GLI3: variants seen among roughly 807,000 people sequenced by gnomAD.
GLI3 encodes the protein GLI family zinc finger 3.
In GLI3, 20 loss-of-function variants were observed where a neutral mutation model predicts 100.8. That is an observed-to-expected ratio of 0.20 (90% CI 0.14 to 0.29). The LOEUF (loss-of-function observed/expected upper bound fraction) is 0.29, where lower values mean the gene tolerates loss of function less well. GLI3 is among the 10% of genes least tolerant of loss of function. The pLI is 1.00. For synonymous variants in GLI3, 938 were observed against 860.5 expected, an observed-to-expected ratio of 1.09 and a Z score of -1.58; for missense variants, 2,040 against 2,128.5, an observed-to-expected ratio of 0.96 and a Z score of 0.82.
At position 42,026,203 on chromosome 7, in the gene GLI3, G is replaced by A; in HGVS notation, c.1238C>T (p.Ser413Leu). 1 of 1,610,744 alleles carries A rather than the reference G, an allele frequency of 6.2e-7. No individual in the cohort carries two copies. The highest frequency in any genetic ancestry group is 8.5e-7 in the Non-Finnish European group (1 of 1,177,922). ...VQVSSGPSES[S>L]QNKPTSESAV... is the part of the protein sequence containing the mutation. ...GCATCGACCTGTCCCTCTCACCTGT[G>A]AGGACTCAGAAGGGCCGGAGCTGAC... The change falls in exon 8 of 15, where the codon TCA (serine) becomes TTA (leucine). Residue 413 changes from serine to leucine, a missense_variant. Ser to Leu is a moderately radical substitution (Grantham distance 145). This residue lies in a region of GLI3 where 603 missense variants were observed against 690.9 expected (regional missense o/e 0.87). Transcript: ENST00000395925.
intron 10 of GLI3, among the ~76,000 whole-genome samples, chr7:42,017,226 T>G: frequency 6.6e-6 from 1 of 152,286 alleles, no homozygotes; most frequent in African/African-American, 2.4e-5. Context: ...CTGGAGTGGA[T>G]CCATACAGAA....
intron 10 of GLI3, among the ~76,000 whole-genome samples, 187 bp from the exon 11 acceptor site, chr7:41,978,935 T>G (rs1318664973): frequency 1.3e-5 from 2 of 152,386 alleles, no homozygotes; most frequent in African/African-American, 4.8e-5. Context: ...TTTTGCTAAC[T>G]GTGTATGCAT....
chr7:42,150,753 G>A (rs979263872), intron 2 of GLI3, among the ~76,000 whole-genome samples: 1 of 152,118 alleles, frequency 6.6e-6, no homozygotes, highest in East Asian at 1.9e-4. Context: ...CTCTTAAAAC[G>A]GCATCCCTAT....
At chr7:42,237,613 A>C (rs536411460), upstream of GLI3, among the ~76,000 whole-genome samples, 7 of 148,596 alleles carry the variant, frequency 4.7e-5, no homozygotes, top group South Asian at 1.3e-3. Context: ...GTTTTAACAG[A>C]TGTTGCCGGA....
chr7:42,207,542 C>T (rs1788180330), intron 2 of GLI3, among the ~76,000 whole-genome samples: 1 of 152,024 alleles, frequency 6.6e-6, no homozygotes, highest in Non-Finnish European at 1.5e-5. Flanking sequence ...TTTCTTGGAG[C>T]TAATTGGGTA....
At chr7:42,001,136 G>A (rs966700200) in intron 10 of GLI3, among the ~76,000 whole-genome samples, 3 of 149,196 alleles carry the variant, frequency 2.0e-5, no homozygotes, top group Admixed American at 6.7e-5. Context: ...TCCCAGCTAC[G>A]CAGGAGGCTG....
intron 13 of GLI3, among the ~76,000 whole-genome samples, chr7:41,971,209 T>A (rs750144107): frequency 4.5e-4 from 68 of 152,328 alleles, no homozygotes; most frequent in Non-Finnish European, 9.3e-4. Context: ...CATGAATTCA[T>A]AGGCTCTCCA....
Position 41,965,370 on chromosome 7 carries a change from G to A in GLI3, c.3703C>T (p.Pro1235Ser), listed in dbSNP as rs751296776. 2.1e-5 allele frequency: 34 copies of A among 1,613,018 alleles called. No homozygotes were observed. The highest frequency in any genetic ancestry group is 6.7e-5 in the African/African-American group (5 of 74,916). ...GPEHLMLHNS[P>S]GSGTSGNAFH... ...GCGTTTCCACTGGTGCCACTTCCGGGGCTGTTGTGGAGCATCAAGTGCTCT... is the reference window on the plus strand; with the variant it reads ...GCGTTTCCACTGGTGCCACTTCCGGAGCTGTTGTGGAGCATCAAGTGCTCT... Residue 1235 changes from proline (P) to serine (S), a missense_variant, in exon 15 of 15, where the codon CCC (proline) becomes TCC (serine). Coordinates refer to ENST00000395925, the MANE Select transcript of GLI3 (RefSeq NM_000168.6).
At chr7:42,152,391 A>C (rs1057035185) in intron 2 of GLI3, 2 of 985,308 alleles carry the variant, frequency 2.0e-6, no homozygotes, top group African/African-American at 1.7e-5. Flanking sequence ...CTTTGCGCCA[A>C]CTTCTCTTGG....
intron 2 of GLI3, among the ~76,000 whole-genome samples, chr7:42,188,547 A>G (rs1787764755): frequency 6.6e-6 from 1 of 152,214 alleles, no homozygotes; most frequent in Non-Finnish European, 1.5e-5. Context: ...TAAAACATGA[A>G]CACACCACAG....
At chr7:42,132,500 T>G (rs1786316291) in intron 3 of GLI3, among the ~76,000 whole-genome samples, 1 of 152,250 alleles carries the variant, frequency 6.6e-6, no homozygotes, top group South Asian at 2.1e-4. Context: ...CTTCAAGGTT[T>G]CTTTCTTGCT....
chr7:42,059,892 A>G (rs1202764596), intron 4 of GLI3, among the ~76,000 whole-genome samples: 3 of 152,254 alleles, frequency 2.0e-5, no homozygotes, highest in Non-Finnish European at 4.4e-5. Flanking sequence ...GCAGAGGCCA[A>G]TCCAGCCAGG....
intron 1 of GLI3, among the ~76,000 whole-genome samples, chr7:42,257,745 TAA>T (rs58253019): frequency 1.3e-5 from 2 of 150,816 alleles, no homozygotes; most frequent in African/African-American, 4.9e-5. Flanking sequence ...GATTGTTTTT[TAA>T]AAAAAAAATC....
intron 2 of GLI3, among the ~76,000 whole-genome samples, chr7:42,174,130 T>C (rs1427186666): frequency 6.6e-6 from 1 of 152,132 alleles, no homozygotes; most frequent in African/African-American, 2.4e-5. Context: ...ACAAGCCATT[T>C]ATAGTTAAAA....
intron 3 of GLI3, among the ~76,000 whole-genome samples, chr7:42,136,309 G>A (rs1281662994): frequency 6.6e-6 from 1 of 152,184 alleles, no homozygotes; most frequent in Non-Finnish European, 1.5e-5. Flanking sequence ...AGGAATGCAC[G>A]TAGGCCTCCG....
rs374002516 is a variant in GLI3, at chr7:42,017,518, A to G, written c.1497+5950T>C. 4.6e-4 allele frequency among the ~76,000 whole-genome samples: 70 copies of G among 152,224 alleles called. 2 individuals carry two copies. The South Asian group carries it at 0.014, about 31-fold the overall frequency. The stretch of plus-strand genomic sequence containing the variant: ...CACCCCAAACTCCCTCCCAGGCTGA[A>G]AGGGGAGGGGGACTCTGCACAGTAC... On this transcript the variant is annotated intron_variant, in intron 10 of 14. Transcript: ENST00000395925.
chr7:42,006,016 A>G (rs1390449194), intron 10 of GLI3, among the ~76,000 whole-genome samples: 1 of 152,238 alleles, frequency 6.6e-6, no homozygotes, highest in Non-Finnish European at 1.5e-5. Context: ...TTTCTACCAT[A>G]AAGGATCTTG....
rs1314575176 is a variant in GLI3, at chr7:42,149,119, G to A, written c.125-651C>T. ...AAGGTGCCAATCATGAAAACCTACAGAGCCTCTCGTGAGATACTTCCTGCT... is the reference window on the plus strand; with the variant it reads ...AAGGTGCCAATCATGAAAACCTACAAAGCCTCTCGTGAGATACTTCCTGCT... On this transcript the variant is annotated intron_variant, in intron 2 of 14. Coordinates refer to ENST00000395925, the MANE Select transcript of GLI3 (RefSeq NM_000168.6). 2.0e-5 allele frequency among the ~76,000 whole-genome samples: 3 copies of A among 152,332 alleles called. No individual in the cohort carries two copies. In the South Asian group the frequency reaches 6.2e-4, roughly 32 times the overall value.
chr7:42,065,334 T>C (rs1312317793), intron 4 of GLI3, among the ~76,000 whole-genome samples: 1 of 151,636 alleles, frequency 6.6e-6, no homozygotes, highest in African/African-American at 2.4e-5. Context: ...TTGTTAAGAG[T>C]AGAAATTCTC....
Sources: gnomAD v4.1 joint callset for allele counts (sites outside exome capture counted in the v4.1 genomes callset) on GRCh38, gnomAD v4.1.1 for gene constraint, gnomAD v4.1.1 regional missense constraint, MANE v1.5 for transcripts, NCBI Gene and HGNC (gene_info 2026-07-23, HGNC 2026-07-21) for gene names.